The following AIRE variants were observed in gnomAD, a reference collection of about 807,000 sequenced individuals.
The protein encoded by AIRE is autoimmune polyendocrinopathy candidiasis ectodermal dystrophy protein.
In AIRE, 52 loss-of-function variants were observed where a neutral mutation model predicts 62.1. The observed-to-expected ratio is 0.84, with a 90% CI of 0.67 to 1.06. AIRE has a LOEUF of 1.06. AIRE is among the 50% of genes least tolerant of loss of function. The pLI, the probability that AIRE is intolerant of heterozygous loss-of-function variation, is 0.00. For missense variants in AIRE, 774 were observed against 755.8 expected (o/e 1.02, Z -0.28); for synonymous variants, 342 against 321.6 (o/e 1.06, Z -0.68).
rs1291752629 is a variant in AIRE, at chr21:44,286,959, T to TCCTGCC, written c.308-14_308-9dup. On this transcript the variant is annotated intron_variant, in intron 2 of 13. Transcript: ENST00000291582. The surrounding 1 kb of genome is among the most constrained non-coding windows in gnomAD (Gnocchi z 6.0). ...GAAAACCCTGAGGTTGGGACCCTGC[T>TCCTGCC]CCTGCCCCTGAGCTGCAGATGTGGA... 1.2e-6 allele frequency: 2 copies of TCCTGCC among 1,612,586 alleles called. No individual in the cohort carries two copies. Among genetic ancestry groups the TCCTGCC allele is most frequent in the African/African-American group, 2.7e-5 (2 of 74,912 alleles).
chr21:44,290,493 G>A, intron 7 of AIRE: 1 of 956,850 alleles, frequency 1.0e-6, no homozygotes, highest in Non-Finnish European at 1.2e-6. Flanking sequence ...TTGACCACTT[G>A]GCACCAGGGG....
At chr21:44,296,524 G>T in intron 13 of AIRE, 79 bp downstream of exon 13, 1 of 1,368,988 alleles carries the variant, frequency 7.3e-7, no homozygotes, top group East Asian at 2.3e-5. Context: ...CCCCACTCTG[G>T]GGGAGGACTG....
chr21:44,296,143 A>G (rs964604159), intron 12 of AIRE, among the ~76,000 whole-genome samples: 1 of 152,072 alleles, frequency 6.6e-6, no homozygotes, highest in Non-Finnish European at 1.5e-5. Context: ...CCAGGAGGCC[A>G]CACAGTGTGG....
At position 44,287,649 on chromosome 21, in the gene AIRE, G is replaced by T. The variant is rs2040497196; in HGVS notation, c.538+58G>T. ...TCCCTGGCCAGGGGCAAGGGGTCAG[G>T]GGTCAGAGCAGGGCCTGCCCTCTGA... On this transcript the variant is annotated intron_variant, in intron 4 of 13. Transcript: ENST00000291582. The surrounding 1 kb of genome is among the most constrained non-coding windows in gnomAD (Gnocchi z 4.3). 4 of 1,498,218 alleles carry T rather than the reference G, an allele frequency of 2.7e-6. No homozygotes were observed. Among genetic ancestry groups the T allele is most frequent in the Non-Finnish European group, 3.6e-6 (4 of 1,101,124 alleles). 92.8% of individuals were successfully genotyped at this position (1,498,218 alleles called of 1,614,324 possible).
intron 9 of AIRE, 78 bp downstream of exon 9, chr21:44,292,479 C>G (rs1162011264): frequency 1.2e-5 from 11 of 926,034 alleles, no homozygotes; most frequent in Non-Finnish European, 1.8e-5. Context: ...GGGCCACCCC[C>G]TCCTGTCCGT....
chr21:44,285,947 G>T lies in AIRE; in HGVS notation c.-60G>T. On this transcript the variant is annotated 5_prime_UTR_variant, in exon 1 of 14. Coordinates refer to ENST00000291582, the MANE Select transcript of AIRE (RefSeq NM_000383.4). The stretch of plus-strand genomic sequence containing the variant: ...GCCGGGACCCGAGGCCAAGCGAGGG[G>T]CTGCCAGTGTCCCGGGACCCACCGC... The T allele has an allele frequency of 6.7e-7, 1 of 1,485,312 alleles. No homozygotes were observed. Among genetic ancestry groups the T allele is most frequent in the South Asian group, 1.2e-5 (1 of 80,764 alleles). 92.0% of individuals were successfully genotyped at this position (1,485,312 alleles called of 1,614,324 possible).
At position 44,287,736 on chromosome 21, in the gene AIRE, C is replaced by T. The variant is rs1190425696; in HGVS notation, c.538+145C>T. The T allele has an allele frequency of 5.7e-6, 5 of 875,344 alleles. No individual in the cohort carries two copies. The highest frequency in any genetic ancestry group is 1.5e-5 in the South Asian group (1 of 68,484). The allele number at this position is 875,344 out of a possible 1,614,324, so 54.2% of individuals were successfully genotyped here. A position where few individuals can be genotyped will look rare whatever the true frequency, so the allele number is the denominator to read the frequency against. ...TGTGTCATTCCAAGGGCCTAAGCTG[C>T]ACCACCAGACCCAGGAAGGGGACAC... On this transcript the variant is annotated intron_variant, in intron 4 of 13. Coordinates refer to ENST00000291582, the MANE Select transcript of AIRE (RefSeq NM_000383.4). This position sits in a 1 kb window ranked among gnomAD's most constrained non-coding sequence, Gnocchi z 4.3.
rs1288735234 is a variant in AIRE at position 44,286,699 on chromosome 21, G to A, written c.275G>A (p.Arg92Gln). The A allele has an allele frequency of 1.9e-5, 31 of 1,612,864 alleles. No homozygotes were observed. The highest frequency in any genetic ancestry group is 2.5e-5 in the Non-Finnish European group (29 of 1,179,984). ...FKDYNLERYG[R>Q]LQPILDSFPK... ...GACTACAACCTGGAGCGCTATGGCC[G>A]GCTGCAGCCCATCCTGGACAGCTTC... The change falls in exon 2 of 14, where the codon CGG becomes CAG. Residue 92 changes from arginine to glutamine, a missense_variant. By Grantham distance (43) the Arg-to-Gln change is conservative. This residue lies in a region of AIRE where 385 missense variants were observed against 396.0 expected (regional missense o/e 0.97). Coordinates refer to ENST00000291582, the MANE Select transcript of AIRE (RefSeq NM_000383.4). This position sits in a 1 kb window ranked among gnomAD's most constrained non-coding sequence, Gnocchi z 6.0.
At chr21:44,292,463 T>G in intron 9 of AIRE, 62 bp downstream of exon 9, 1 of 1,160,186 alleles carries the variant, frequency 8.6e-7, no homozygotes, top group Non-Finnish European at 1.2e-6. Context: ...CGCCCCCTCC[T>G]AGGCTGGGCC....
chr21:44,294,832 C>T (rs1467587202), intron 12 of AIRE, among the ~76,000 whole-genome samples: 1 of 152,132 alleles, frequency 6.6e-6, no homozygotes, highest in East Asian at 1.9e-4. Context: ...AGCGCCCGGC[C>T]TGCAGGAGCA....
At chr21:44,294,979 C>T (rs538758540) in intron 12 of AIRE, among the ~76,000 whole-genome samples, 20 of 152,212 alleles carry the variant, frequency 1.3e-4, no homozygotes, top group Non-Finnish European at 5.9e-5. Flanking sequence ...TCTTCCTGTC[C>T]TCCTGCTCCG....
intron 7 of AIRE, chr21:44,290,311 C>T: frequency 1.0e-6 from 1 of 985,436 alleles, no homozygotes; most frequent in Non-Finnish European, 1.2e-6. Context: ...GGCGTTTGGT[C>T]CAGGCTGTAC....
chr21:44,286,797 C>T lies in AIRE; in HGVS notation c.307+66C>T. The T allele has an allele frequency of 6.3e-7, 1 of 1,591,712 alleles. No homozygotes were observed. The highest frequency in any genetic ancestry group is 2.2e-5 in the East Asian group (1 of 44,660). ...AGCTGCTGTCACCTGCTCAGCCCAG[C>T]TGGACTGGAACCGGAGTGGTGTTTG... On this transcript the variant is annotated intron_variant, in intron 2 of 13. Coordinates refer to ENST00000291582, the MANE Select transcript of AIRE (RefSeq NM_000383.4). The surrounding 1 kb of genome is among the most constrained non-coding windows in gnomAD (Gnocchi z 6.0).
chr21:44,296,322 C>G, intron 12 of AIRE, 61 bp from the exon 13 acceptor site: 1 of 1,498,240 alleles, frequency 6.7e-7, no homozygotes, highest in Non-Finnish European at 9.3e-7. Context: ...GCCCTGCGGC[C>G]TCTGTACCCC....
Position 44,286,090 on chromosome 21 carries a change from G to T in AIRE, c.84G>T (p.Leu28=). The T allele has an allele frequency of 6.5e-7, 1 of 1,546,152 alleles. No homozygotes were observed. ...IAVAVDSAFP[L]LHALADHDVV... is the part of the protein sequence containing the mutation. ...TGGCCGTGGACAGCGCCTTCCCACT[G>T]CTGCACGCGCTGGCTGACCACGACG... Residue 28 remains leucine, a synonymous_variant, in exon 1 of 14, where the codon CTG becomes CTT. Coordinates refer to ENST00000291582, the MANE Select transcript of AIRE (RefSeq NM_000383.4). This position sits in a 1 kb window ranked among gnomAD's most constrained non-coding sequence, Gnocchi z 6.0.
In AIRE at chr21:44,297,550, T is replaced by C. The variant is rs1431655126; in HGVS notation, c.1567-106T>C. The C allele has an allele frequency of 9.0e-7, 1 of 1,107,500 alleles. No homozygotes were observed. The highest frequency in any genetic ancestry group is 1.9e-5 in the Admixed American group (1 of 53,994). The allele number at this position is 1,107,500 out of a possible 1,614,324, so 68.6% of individuals were successfully genotyped here. On this transcript the variant is annotated intron_variant, in intron 13 of 13. Transcript: ENST00000291582. This position sits in a 1 kb window ranked among gnomAD's most constrained non-coding sequence, Gnocchi z 4.8. ...CCTCGGGCCTCAGTTTCCCCACCTTTGACTTAGAGGGAAGGTTGGATGGTG... is the reference window on the plus strand; with the variant it reads ...CCTCGGGCCTCAGTTTCCCCACCTTCGACTTAGAGGGAAGGTTGGATGGTG...
chr21:44,293,480 G>T (rs2146384089), intron 10 of AIRE, among the ~76,000 whole-genome samples: 1 of 152,142 alleles, frequency 6.6e-6, no homozygotes. Context: ...CTGCACCCCT[G>T]TGGGCACCGC....
chr21:44,290,053 C>G lies in AIRE; in HGVS notation c.864C>G (p.Asp288Glu). The part of the protein sequence containing the change: ...SVPAPLALPS[D>E]PQLHQKNEDE... ...CCGCCCCTCTGGCCCTCCCCAGTGA[C>G]CCCCAGCTCCACCAGGTAATGCCCT... is the stretch of plus-strand genomic sequence containing the variant. The change falls in exon 7 of 14, where the codon GAC becomes GAG. Residue 288 changes from aspartate to glutamate, a missense_variant. This residue lies in a region of AIRE where 385 missense variants were observed against 396.0 expected (regional missense o/e 0.97). Transcript: ENST00000291582. 6.2e-7 allele frequency: 1 copy of G among 1,611,836 alleles called. No individual in the cohort carries two copies. The highest frequency in any genetic ancestry group is 8.5e-7 in the Non-Finnish European group (1 of 1,179,446).
At chr21:44,293,393 C>A (rs901942714) in intron 10 of AIRE, among the ~76,000 whole-genome samples, 1 of 152,084 alleles carries the variant, frequency 6.6e-6, no homozygotes, top group East Asian at 1.9e-4. Context: ...ACTGCTCCCC[C>A]CACAAGGCAG....
Sources: gnomAD v4.1 joint callset for allele counts (sites outside exome capture counted in the v4.1 genomes callset) on GRCh38, gnomAD v4.1.1 for gene constraint, gnomAD v4.1.1 regional missense constraint, Gnocchi (gnomAD v3.1) non-coding constraint, MANE v1.5 for transcripts, NCBI Gene and HGNC (gene_info 2026-07-23, HGNC 2026-07-21) for gene names.